MLLT10: variants seen among roughly 807,000 people sequenced by gnomAD.
MLLT10 encodes protein AF-10.
A neutral mutation model predicts 129.1 loss-of-function variants in MLLT10; 30 were observed. The observed-to-expected ratio is 0.23, with a 90% CI of 0.17 to 0.32. The LOEUF is 0.32. Among genes scored for constraint, MLLT10 ranks in the 10% least tolerant of loss-of-function variants. The pLI, the probability that MLLT10 is intolerant of heterozygous loss-of-function variation, is 1.00. For missense variants in MLLT10, 1,119 were observed against 1,268.3 expected (o/e 0.88, Z 1.79); for synonymous variants, 490 against 446.4 (o/e 1.10, Z -1.23).
intron 14 of MLLT10, among the ~76,000 whole-genome samples, chr10:21,718,201 A>G (rs1256869541): frequency 1.3e-5 from 2 of 151,392 alleles, no homozygotes; most frequent in African/African-American, 4.9e-5. Context: ...TCAACAGACT[A>G]GTTTTTAGAG....
chr10:21,694,638 C>T (rs781655021), intron 13 of MLLT10, among the ~76,000 whole-genome samples: 4 of 152,200 alleles, frequency 2.6e-5, no homozygotes, highest in Non-Finnish European at 4.4e-5. Flanking sequence ...TGAGCTGGCT[C>T]TCTGTTCTGT....
At chr10:21,572,352 T>G (rs2040293710) in intron 3 of MLLT10, among the ~76,000 whole-genome samples, 2 of 152,208 alleles carry the variant, frequency 1.3e-5, no homozygotes, top group African/African-American at 2.4e-5. Context: ...TTTTTCGAAG[T>G]TCTGCATATT....
At position 21,673,615 on chromosome 10, in the gene MLLT10, T is replaced by C; in HGVS notation, c.1317T>C (p.Asp439=). ...AAAGCTTTGAAAATTCACCTGGAGA[T>C]TTGGGTAATTCCAGCCTTCCTACAG... ...QPKSFENSPG[D]LGNSSLPTAG... Residue 439 remains aspartate, a synonymous_variant, in exon 11 of 23, where the codon GAT becomes GAC. Transcript: ENST00000307729. The C allele has an allele frequency of 1.2e-6, 2 of 1,613,638 alleles. No individual in the cohort carries two copies. Among genetic ancestry groups the C allele is most frequent in the African/African-American group, 1.3e-5 (1 of 74,918 alleles).
At chr10:21,591,910 A>G (rs2042547372) in intron 4 of MLLT10, among the ~76,000 whole-genome samples, 1 of 152,062 alleles carries the variant, frequency 6.6e-6, no homozygotes, top group South Asian at 2.1e-4. Flanking sequence ...TAGTAGAGAC[A>G]TAGTTTCACT....
chr10:21,534,149 G>T (rs1052619838), upstream of MLLT10: 6 of 367,456 alleles, frequency 1.6e-5, no homozygotes, highest in African/African-American at 1.3e-4. Flanking sequence ...AGGTAGGCCG[G>T]GGGCAGCCAA....
chr10:21,732,444 G>A (rs1050374752), intron 17 of MLLT10, among the ~76,000 whole-genome samples: 5 of 152,332 alleles, frequency 3.3e-5, no homozygotes, highest in African/African-American at 9.6e-5. Context: ...GCAGCACTTC[G>A]TTTAAACCGG....
At chr10:21,576,457 G>T (rs1206514493) in intron 3 of MLLT10, among the ~76,000 whole-genome samples, 1 of 149,990 alleles carries the variant, frequency 6.7e-6, no homozygotes, top group Non-Finnish European at 1.5e-5. Context: ...TGACAGGCTG[G>T]TCTCGATCTC....
chr10:21,699,838 A>C (rs1001193896), intron 13 of MLLT10, among the ~76,000 whole-genome samples: 3 of 152,186 alleles, frequency 2.0e-5, no homozygotes, highest in Non-Finnish European at 4.4e-5. Flanking sequence ...TCTTTTGCTC[A>C]GGATTACTTC....
At chr10:21,628,826 A>T (rs932313799) in intron 8 of MLLT10, among the ~76,000 whole-genome samples, 2 of 144,786 alleles carry the variant, frequency 1.4e-5, no homozygotes, top group Admixed American at 1.4e-4. Context: ...GGCTCACTGT[A>T]ACCTCTGCTC....
intron 11 of MLLT10, among the ~76,000 whole-genome samples, chr10:21,677,878 G>A (rs2052346120): frequency 6.6e-6 from 1 of 152,174 alleles, no homozygotes; most frequent in African/African-American, 2.4e-5. Context: ...ACTAACTCCT[G>A]AGGCTAGGGG....
At position 21,539,807 on chromosome 10, in the gene MLLT10, G is replaced by A. The variant is rs576808859; in HGVS notation, c.240+895G>A. On this transcript the variant is annotated intron_variant, in intron 3 of 22. Coordinates refer to ENST00000307729, the MANE Select transcript of MLLT10 (RefSeq NM_001195626.3). Reference sequence around the variant, plus strand: ...AACAAATTACAAACATTAGCTGGGCGTGGTGGCACGCCCTATAATCCCAGC... The same window carrying A: ...AACAAATTACAAACATTAGCTGGGCATGGTGGCACGCCCTATAATCCCAGC... Among the ~76,000 whole-genome samples the A allele has an allele frequency of 1.2e-3, 186 of 152,258 alleles. 2 individuals are homozygous for A. Among genetic ancestry groups the A allele is most frequent in the African/African-American group, 4.1e-3 (171 of 41,542 alleles).
intron 8 of MLLT10, among the ~76,000 whole-genome samples, chr10:21,634,510 C>T (rs1372651367): frequency 6.6e-6 from 1 of 152,182 alleles, no homozygotes; most frequent in African/African-American, 2.4e-5. Context: ...TACTGTGAAG[C>T]TTTCATTTCC....
chr10:21,634,748 C>G (rs1296027742), intron 8 of MLLT10, among the ~76,000 whole-genome samples: 1 of 152,222 alleles, frequency 6.6e-6, no homozygotes, highest in African/African-American at 2.4e-5. Flanking sequence ...ACTAATCTCT[C>G]CAGTATCGAG....
chr10:21,610,700 C>A (rs932753531), intron 5 of MLLT10, among the ~76,000 whole-genome samples: 1 of 151,020 alleles, frequency 6.6e-6, no homozygotes, highest in Non-Finnish European at 1.5e-5. Flanking sequence ...TCACTGTCAG[C>A]TCTTTGGAAG....
chr10:21,726,495 G>A (rs1183280805), intron 15 of MLLT10, 140 bp downstream of exon 15: 2 of 510,256 alleles, frequency 3.9e-6, no homozygotes, highest in East Asian at 6.2e-5. Flanking sequence ...ATTCACAGTT[G>A]GAAAATGTTA....
chr10:21,614,477 T>C (rs943224599), intron 6 of MLLT10, among the ~76,000 whole-genome samples: 10 of 152,050 alleles, frequency 6.6e-5, no homozygotes, highest in African/African-American at 1.4e-4. Context: ...CTGTGACAGA[T>C]TGAAAAAGTA....
chr10:21,675,116 T>C (rs540596781), intron 11 of MLLT10, among the ~76,000 whole-genome samples: 1 of 152,356 alleles, frequency 6.6e-6, no homozygotes, highest in South Asian at 2.1e-4. Context: ...ACAACAGTTA[T>C]GAGATGTCCT....
intron 8 of MLLT10, among the ~76,000 whole-genome samples, chr10:21,642,709 T>C (rs914221005): frequency 3.3e-5 from 5 of 151,918 alleles, no homozygotes; most frequent in African/African-American, 1.2e-4. Flanking sequence ...ATTATCCTGA[T>C]TGAAACCTAT....
At chr10:21,592,026 G>A (rs2042557378) in intron 4 of MLLT10, among the ~76,000 whole-genome samples, 1 of 152,046 alleles carries the variant, frequency 6.6e-6, no homozygotes. Flanking sequence ...TGGCCTGTGT[G>A]TGCCACTTAA....
Sources: allele counts gnomAD v4.1 joint callset (sites outside exome capture counted in the v4.1 genomes callset), GRCh38; gene constraint gnomAD v4.1.1; transcripts MANE v1.5; gene names NCBI Gene and HGNC (gene_info 2026-07-23, HGNC 2026-07-21).